CCDC38: variants seen among roughly 807,000 people sequenced by gnomAD.
CCDC38 encodes coiled-coil domain containing 38, also known as coiled-coil domain-containing protein 38.
CCDC38 carries 69 observed loss-of-function variants against 72.8 expected under a neutral mutation model. That is an observed-to-expected ratio of 0.95 (90% CI 0.78 to 1.16). CCDC38 has a LOEUF of 1.16. CCDC38 is among the 50% of genes most tolerant of loss of function. The probability of loss-of-function intolerance (pLI) is 0.00; values close to 1 mark genes in which losing one functional copy is unlikely to be tolerated. For missense variants in CCDC38, 626 were observed against 638.9 expected, an observed-to-expected ratio of 0.98 and a Z score of 0.22; for synonymous variants, 201 against 213.2, an observed-to-expected ratio of 0.94 and a Z score of 0.50.
chr12:95,940,832 G>A (rs2080441956), intron 1 of CCDC38, among the ~76,000 whole-genome samples: 1 of 151,740 alleles, frequency 6.6e-6, no homozygotes, highest in South Asian at 2.1e-4. Context: ...TAGTATGGAC[G>A]CTTCTGTTGA....
At chr12:95,890,969 ATGGGGGG>A (rs1387871654) in intron 8 of CCDC38, 39 bp from the exon 9 acceptor site, 1 of 1,165,438 alleles carries the variant, frequency 8.6e-7, no homozygotes, top group Admixed American at 1.8e-5. Context: ...ACAGAGAAAG[ATGGGGGG>A]AAAAAAACAC....
At chr12:95,892,293 T>G (rs2121460411) in intron 8 of CCDC38, among the ~76,000 whole-genome samples, 1 of 140,590 alleles carries the variant, frequency 7.1e-6, no homozygotes. Flanking sequence ...TTTTTTTTTT[T>G]TTTTTTTTGG....
At chr12:95,925,854 C>T (rs80282248) in intron 2 of CCDC38, among the ~76,000 whole-genome samples, 58,533 of 141,934 alleles carry the variant, frequency 0.41, 12,365 homozygotes, top group Admixed American at 0.52. Context: ...TATTGATTTG[C>T]GTATATTGAA....
chr12:95,883,379 A>C (rs985816369), intron 10 of CCDC38, among the ~76,000 whole-genome samples: 1 of 152,190 alleles, frequency 6.6e-6, no homozygotes, highest in Admixed American at 6.5e-5. Flanking sequence ...TTCCCTGCTC[A>C]TGGTGCAGTG....
At chr12:95,878,180 A>G in intron 13 of CCDC38, 31 bp downstream of exon 13, 1 of 1,609,146 alleles carries the variant, frequency 6.2e-7, no homozygotes. Flanking sequence ...ATGAGCCAAA[A>G]TGAAATCACC....
intron 2 of CCDC38, among the ~76,000 whole-genome samples, chr12:95,926,812 T>C (rs1340334801): frequency 6.6e-6 from 1 of 151,562 alleles, no homozygotes; most frequent in African/African-American, 2.4e-5. Flanking sequence ...CAGTAGTCAT[T>C]CAGGAGCAGG....
intron 4 of CCDC38, among the ~76,000 whole-genome samples, chr12:95,912,186 T>C (rs944661439): frequency 1.3e-5 from 2 of 152,050 alleles, no homozygotes; most frequent in African/African-American, 4.8e-5. Flanking sequence ...GACAGAAAGA[T>C]GGGAATAATA....
chr12:95,934,279 G>A (rs1369316894), intron 2 of CCDC38: 2 of 152,108 alleles, frequency 1.3e-5, no homozygotes, highest in Non-Finnish European at 2.9e-5. Context: ...TTATTGTCAG[G>A]TTGTAATTTC....
chr12:95,907,491 C>A (rs78677704), intron 4 of CCDC38, among the ~76,000 whole-genome samples: 1 of 114,240 alleles, frequency 8.8e-6, no homozygotes, highest in Non-Finnish European at 1.7e-5. Flanking sequence ...GGCGGCTGGC[C>A]GGGCAGAGGG....
chr12:95,878,080 C>T, intron 13 of CCDC38, 131 bp downstream of exon 13: 1 of 1,033,044 alleles, frequency 9.7e-7, no homozygotes, highest in Non-Finnish European at 1.4e-6. Flanking sequence ...TCCAAGCTGG[C>T]TTTCCACTTC....
At chr12:95,914,945 T>C (rs73231440) in intron 4 of CCDC38, among the ~76,000 whole-genome samples, 14,222 of 152,206 alleles carry the variant, frequency 0.093, 954 homozygotes, top group South Asian at 0.27. Context: ...TAGATTCAGG[T>C]TCAATTTACT....
In CCDC38 at chr12:95,868,614, A is replaced by T. The variant is rs371089023; in HGVS notation, c.1578+866T>A. ...GTAAGGCACACAGTAAGCATTCGTT[A>T]TGTGTTAGCTATCACTGTGGTAAGA... On this transcript the variant is annotated intron_variant, in intron 15 of 15. Transcript: ENST00000344280. Among the ~76,000 whole-genome samples, 237 of 152,318 alleles carry T rather than the reference A, an allele frequency of 1.6e-3. 4 individuals are homozygous for T. Among genetic ancestry groups the T allele is most frequent in the Admixed American group, 4.1e-3 (62 of 15,296 alleles).
chr12:95,932,665 T>TAG (rs373526144), intron 2 of CCDC38, among the ~76,000 whole-genome samples: 25 of 152,310 alleles, frequency 1.6e-4, no homozygotes, highest in African/African-American at 6.0e-4. Context: ...TGTTTGTGGA[T>TAG]AGAGAGACAT....
intron 4 of CCDC38, among the ~76,000 whole-genome samples, chr12:95,916,499 T>A: frequency 6.6e-6 from 1 of 151,998 alleles, no homozygotes; most frequent in East Asian, 1.9e-4. Flanking sequence ...GACTCCATCA[T>A]CCTAGCATTA....
chr12:95,897,098 C>T (rs375542212), intron 7 of CCDC38, among the ~76,000 whole-genome samples: 8 of 152,120 alleles, frequency 5.3e-5, no homozygotes, highest in African/African-American at 1.9e-4. Context: ...TCTGTTAGTG[C>T]AGTTGGTTTC....
intron 2 of CCDC38, among the ~76,000 whole-genome samples, chr12:95,932,567 G>A (rs1312323293): frequency 6.6e-6 from 1 of 152,000 alleles, no homozygotes. Context: ...TATATAAAAG[G>A]CACTAAAAAA....
At chr12:95,914,618 G>C (rs905135266) in intron 4 of CCDC38, among the ~76,000 whole-genome samples, 2 of 152,076 alleles carry the variant, frequency 1.3e-5, no homozygotes, top group Admixed American at 6.5e-5. Flanking sequence ...CTAACAAAAT[G>C]AACTATTCCT....
intron 15 of CCDC38, among the ~76,000 whole-genome samples, chr12:95,869,147 A>G (rs2079553780): frequency 6.6e-6 from 1 of 152,212 alleles, no homozygotes; most frequent in Non-Finnish European, 1.5e-5. Flanking sequence ...CTGACTTTAT[A>G]CTGAATACTC....
At chr12:95,895,325 C>G (rs1271290887) in intron 7 of CCDC38, among the ~76,000 whole-genome samples, 179 bp from the exon 8 acceptor site, 1 of 152,032 alleles carries the variant, frequency 6.6e-6, no homozygotes, top group Non-Finnish European at 1.5e-5. Context: ...TGAAGGAAAA[C>G]TCTAGGAATG....
Sources: gnomAD v4.1 joint callset for allele counts (sites outside exome capture counted in the v4.1 genomes callset) on GRCh38, gnomAD v4.1.1 for gene constraint, MANE v1.5 for transcripts, NCBI Gene and HGNC (gene_info 2026-07-23, HGNC 2026-07-21) for gene names.